The following NEK11 variants were observed in gnomAD, a reference collection of about 807,000 sequenced individuals.
NEK11 encodes NIMA related kinase 11, also known as serine/threonine-protein kinase Nek11.
In NEK11, 72 loss-of-function variants were observed where a neutral mutation model predicts 80.7. The ratio of observed to expected loss-of-function variants is 0.89; its 90% CI spans 0.74 to 1.08. The LOEUF is 1.08. Ranked by LOEUF, NEK11 falls within the 50% of genes least tolerant of loss-of-function variation. The pLI is 0.00. For synonymous variants in NEK11, 251 were observed against 260.7 expected (o/e 0.96, Z 0.36); for missense variants, 764 against 763.6 (o/e 1.00, Z -0.01).
chr3:131,175,361 G>A (rs2092944787), intron 14 of NEK11, among the ~76,000 whole-genome samples: 1 of 152,158 alleles, frequency 6.6e-6, no homozygotes, highest in South Asian at 2.1e-4. Flanking sequence ...TCCATCAATA[G>A]GTGAAAGGAT....
intron 17 of NEK11, among the ~76,000 whole-genome samples, chr3:131,324,758 G>T (rs1437447903): frequency 6.6e-6 from 1 of 152,082 alleles, no homozygotes; most frequent in East Asian, 1.9e-4. Flanking sequence ...CTCAATGAAG[G>T]TATCTGCTTC....
intron 16 of NEK11, among the ~76,000 whole-genome samples, chr3:131,268,839 AC>A (rs1208734662): frequency 2.0e-5 from 3 of 152,196 alleles, no homozygotes; most frequent in Non-Finnish European, 4.4e-5. Flanking sequence ...GCAGGCAGGG[AC>A]GTTTAAGTCT....
intron 3 of NEK11, among the ~76,000 whole-genome samples, chr3:131,078,483 GTC>G (rs2074741017): frequency 6.6e-6 from 1 of 151,908 alleles, no homozygotes; most frequent in African/African-American, 2.4e-5. Context: ...TTTAATTGTA[GTC>G]TCTCACTGAG....
intron 14 of NEK11, among the ~76,000 whole-genome samples, chr3:131,185,121 A>G (rs2093545517): frequency 6.6e-6 from 1 of 152,184 alleles, no homozygotes; most frequent in African/African-American, 2.4e-5. Flanking sequence ...CACTTTCCAT[A>G]TGACAGAACG....
At chr3:131,043,739 A>T (rs1469783119) in intron 3 of NEK11, among the ~76,000 whole-genome samples, 1 of 152,228 alleles carries the variant, frequency 6.6e-6, no homozygotes, top group East Asian at 1.9e-4. Flanking sequence ...ACAGGCCAAC[A>T]TTCAAATTCA....
At chr3:131,320,384 T>G (rs1176947905) in intron 17 of NEK11, among the ~76,000 whole-genome samples, 2 of 152,134 alleles carry the variant, frequency 1.3e-5, no homozygotes, top group Non-Finnish European at 2.9e-5. Context: ...AAACTGTGAT[T>G]CATAATCTCC....
At chr3:131,269,890 G>C (rs1273412075) in intron 16 of NEK11, among the ~76,000 whole-genome samples, 2 of 152,188 alleles carry the variant, frequency 1.3e-5, no homozygotes, top group East Asian at 3.8e-4. Context: ...TGTGTTTTAT[G>C]AGTGAAAGCT....
At chr3:131,207,324 C>G (rs1360589147) in intron 14 of NEK11, among the ~76,000 whole-genome samples, 1 of 152,224 alleles carries the variant, frequency 6.6e-6, no homozygotes, top group Admixed American at 6.5e-5. Context: ...TGGCCCATGC[C>G]TGTAATCCCA....
At chr3:131,295,295 A>AT (rs201593098) in intron 17 of NEK11, among the ~76,000 whole-genome samples, 8,917 of 145,782 alleles carry the variant, frequency 0.061, 342 homozygotes, top group Non-Finnish European at 0.093. Context: ...CAGATTTGGG[A>AT]TTTTTTTTTT....
At chr3:131,304,077 A>G (rs2096695412) in intron 17 of NEK11, among the ~76,000 whole-genome samples, 1 of 152,134 alleles carries the variant, frequency 6.6e-6, no homozygotes, top group Non-Finnish European at 1.5e-5. Context: ...TGGTCTCTTT[A>G]CATAATTCCA....
At chr3:131,259,732 A>G (rs1157441327) in intron 16 of NEK11, among the ~76,000 whole-genome samples, 5 of 152,140 alleles carry the variant, frequency 3.3e-5, no homozygotes, top group Non-Finnish European at 7.4e-5. Flanking sequence ...TCAGTCATTA[A>G]AGGTTGCTAC....
chr3:131,117,405 T>A (rs1398594329), intron 5 of NEK11, among the ~76,000 whole-genome samples: 7 of 152,124 alleles, frequency 4.6e-5, no homozygotes, highest in Admixed American at 3.9e-4. Flanking sequence ...GAAGTCAGGT[T>A]GTGTGATGCC....
At chr3:131,069,063 C>T (rs1008192112) in intron 3 of NEK11, among the ~76,000 whole-genome samples, 2 of 152,048 alleles carry the variant, frequency 1.3e-5, no homozygotes, top group Admixed American at 6.6e-5. Flanking sequence ...GGCTGTCTTA[C>T]TGTTAAGACA....
At chr3:131,292,906 T>C (rs2096558324) in intron 17 of NEK11, among the ~76,000 whole-genome samples, 1 of 152,184 alleles carries the variant, frequency 6.6e-6, no homozygotes, top group Non-Finnish European at 1.5e-5. Context: ...ATTGCTGATA[T>C]ATAGAAAAGT....
At chr3:131,224,429 A>G (rs1026209409) in intron 14 of NEK11, among the ~76,000 whole-genome samples, 5 of 152,000 alleles carry the variant, frequency 3.3e-5, no homozygotes, top group East Asian at 1.9e-4. Context: ...GGGTTTCTCC[A>G]TGTTGCCCAG....
Position 131,109,988 on chromosome 3 carries a change from A to G in NEK11, c.455+67A>G, listed in dbSNP as rs373085086. The G allele has an allele frequency of 2.7e-6, 4 of 1,499,782 alleles. No individual in the cohort carries two copies. In the East Asian group the frequency reaches 7.5e-5, roughly 28 times the overall value. The allele number at this position is 1,499,782 out of a possible 1,614,324, so 92.9% of individuals were successfully genotyped here. A position where few individuals can be genotyped will look rare whatever the true frequency, so the allele number is the denominator to read the frequency against. On this transcript the variant is annotated intron_variant, in intron 5 of 17. Transcript: ENST00000383366. ...CAGTCATGTTTGAACTTGAAAAGTGAATTTTTTTTCTATAATTGAAAGAAA... is the reference window on the plus strand; with the variant it reads ...CAGTCATGTTTGAACTTGAAAAGTGGATTTTTTTTCTATAATTGAAAGAAA...
chr3:131,096,430 G>A (rs2077442856), intron 4 of NEK11, among the ~76,000 whole-genome samples: 1 of 152,064 alleles, frequency 6.6e-6, no homozygotes, highest in Admixed American at 6.6e-5. Context: ...TCAATGATTG[G>A]TGGGCACCTA....
intron 10 of NEK11, 94 bp from the exon 11 acceptor site, chr3:131,162,314 T>C (rs1195401694): frequency 1.4e-6 from 2 of 1,456,820 alleles, no homozygotes; most frequent in Non-Finnish European, 9.2e-7. Flanking sequence ...GCTTTTGCTC[T>C]CAGTAGTGTA....
At chr3:131,308,668 C>G (rs568268066) in intron 17 of NEK11, among the ~76,000 whole-genome samples, 33 of 152,290 alleles carry the variant, frequency 2.2e-4, no homozygotes, top group African/African-American at 7.2e-4. Flanking sequence ...TTCTTTGTAA[C>G]AGAGTCCTTT....
Sources: allele counts gnomAD v4.1 joint callset (sites outside exome capture counted in the v4.1 genomes callset), GRCh38; gene constraint gnomAD v4.1.1; transcripts MANE v1.5; gene names NCBI Gene and HGNC (gene_info 2026-07-23, HGNC 2026-07-21).